ITSN2: variants seen among roughly 807,000 people sequenced by gnomAD.
ITSN2 encodes the protein intersectin 2.
In ITSN2, 156 loss-of-function variants were observed where a neutral mutation model predicts 243.7. The observed-to-expected ratio is 0.64, with a 90% CI of 0.56 to 0.73. The LOEUF (loss-of-function observed/expected upper bound fraction) is 0.73, where lower values mean the gene tolerates loss of function less well. Ranked by LOEUF, ITSN2 falls within the 30% of genes least tolerant of loss-of-function variation. The probability of loss-of-function intolerance (pLI) is 0.00; values close to 1 mark genes in which losing one functional copy is unlikely to be tolerated. For synonymous variants in ITSN2, 703 were observed against 699.9 expected (o/e 1.00, Z -0.07); for missense variants, 1,801 against 1,996.1 (o/e 0.90, Z 1.86).
intron 20 of ITSN2, among the ~76,000 whole-genome samples, chr2:24,263,859 T>C (rs1259003245): frequency 6.6e-6 from 1 of 152,232 alleles, no homozygotes; most frequent in African/African-American, 2.4e-5. Flanking sequence ...ATAAAGCTGC[T>C]ATGAACATTT....
At chr2:24,326,175 T>A (rs1685138829) in intron 2 of ITSN2, among the ~76,000 whole-genome samples, 1 of 152,328 alleles carries the variant, frequency 6.6e-6, no homozygotes, top group African/African-American at 2.4e-5. Context: ...ACATATGCAA[T>A]TAATTCTTCA....
intron 15 of ITSN2, 32 bp from the exon 16 acceptor site, chr2:24,286,383 T>C (rs370236844): frequency 7.5e-6 from 12 of 1,604,760 alleles, no homozygotes; most frequent in Non-Finnish European, 1.0e-5. Flanking sequence ...GTTTACATTT[T>C]GCAGAAGTTC....
At chr2:24,350,433 A>G (rs1377627323) in intron 1 of ITSN2, among the ~76,000 whole-genome samples, 1 of 152,184 alleles carries the variant, frequency 6.6e-6, no homozygotes, top group Non-Finnish European at 1.5e-5. Flanking sequence ...CAAAATGTTA[A>G]ACATAGGTTA....
Position 24,286,332 on chromosome 2 carries a change from A to G in ITSN2, c.1743T>C (p.Leu581=), listed in dbSNP as rs752749293. Residue 581 remains leucine (L), a synonymous_variant, in exon 16 of 40, where the codon CTT becomes CTC. Transcript: ENST00000355123. The part of the protein sequence containing the change: ...SNTPDSGVSL[L]HKKSLEKEEL... The stretch of plus-strand genomic sequence containing the variant: ...CTTCCTTTTCTAATGATTTTTTATG[A>G]AGTAAACTGACCCCTGAATCTGAAA... The G allele has an allele frequency of 5.7e-5, 92 of 1,611,678 alleles. No individual in the cohort carries two copies. Among genetic ancestry groups the G allele is most frequent in the Non-Finnish European group, 7.5e-5 (88 of 1,178,494 alleles).
chr2:24,291,691 T>C (rs1488456800), intron 15 of ITSN2, among the ~76,000 whole-genome samples: 11 of 152,146 alleles, frequency 7.2e-5, no homozygotes, highest in Admixed American at 7.2e-4. Flanking sequence ...CGTATCACCA[T>C]GTTGGCCAGG....
chr2:24,356,502 C>A (rs191539243), intron 1 of ITSN2, among the ~76,000 whole-genome samples: 10,388 of 117,984 alleles, frequency 0.088, 389 homozygotes, highest in Middle Eastern at 0.14. Context: ...AAAAAAAAAA[C>A]CCCACCAAAA....
chr2:24,282,351 C>T (rs1678892060), intron 17 of ITSN2, among the ~76,000 whole-genome samples: 1 of 152,194 alleles, frequency 6.6e-6, no homozygotes, highest in Non-Finnish European at 1.5e-5. Context: ...AATCAGGTTG[C>T]GGCCCGACTC....
intron 29 of ITSN2, among the ~76,000 whole-genome samples, chr2:24,245,420 G>A (rs750938214): frequency 7.9e-5 from 12 of 151,746 alleles, no homozygotes; most frequent in African/African-American, 9.7e-5. Context: ...GAAATGTAAT[G>A]GCTTCTGTAC....
At chr2:24,334,039 G>A (rs998350528) in intron 1 of ITSN2, among the ~76,000 whole-genome samples, 5 of 151,650 alleles carry the variant, frequency 3.3e-5, no homozygotes, top group African/African-American at 9.7e-5. Flanking sequence ...ACAAGCGCAC[G>A]CCACCACACC....
chr2:24,324,856 A>C (rs1684986982), intron 2 of ITSN2, among the ~76,000 whole-genome samples: 1 of 1,320 alleles, frequency 7.6e-4, no homozygotes, highest in African/African-American at 3.1e-3. Flanking sequence ...CCTGTCTCAA[A>C]AAAAAAAAAA....
intron 12 of ITSN2, among the ~76,000 whole-genome samples, chr2:24,299,021 G>A (rs1401412747): frequency 6.8e-6 from 1 of 148,012 alleles, no homozygotes; most frequent in South Asian, 2.1e-4. Flanking sequence ...ATTTCTTCAC[G>A]AGATCTTTTT....
chr2:24,346,026 T>G (rs1343785474), intron 1 of ITSN2, among the ~76,000 whole-genome samples: 1 of 152,196 alleles, frequency 6.6e-6, no homozygotes, highest in Non-Finnish European at 1.5e-5. Context: ...TCCAAATTGT[T>G]TGCGCTACCC....
rs1669312213 is a variant in ITSN2 at position 24,210,026 on chromosome 2, A to T, written c.4265T>A (p.Ile1422Asn). 6.2e-7 allele frequency: 1 copy of T among 1,612,800 alleles called. No individual in the cohort carries two copies. The highest frequency in any genetic ancestry group is 1.1e-5 in the South Asian group (1 of 91,014). ...VQCEGLAEQL[I>N]FNSLTNCLGP... ...CAGGCAGTTGGTGAGAGAGTTGAAAATAAGTTGCTTAAAGAGAAAGAAAAT... is the reference window on the plus strand; with the variant it reads ...CAGGCAGTTGGTGAGAGAGTTGAAATTAAGTTGCTTAAAGAGAAAGAAAAT... Residue 1422 changes from isoleucine (I) to asparagine (N), a missense_variant, in exon 35 of 40, where the codon ATT (isoleucine) becomes AAT (asparagine). Coordinates refer to ENST00000355123, the MANE Select transcript of ITSN2 (RefSeq NM_006277.3).
intron 22 of ITSN2, among the ~76,000 whole-genome samples, chr2:24,259,267 T>C (rs554252898): frequency 6.6e-6 from 1 of 152,352 alleles, no homozygotes; most frequent in East Asian, 1.9e-4. Context: ...ACTCTCCACA[T>C]TCAATGGATT....
intron 1 of ITSN2, among the ~76,000 whole-genome samples, chr2:24,328,474 T>A (rs988404998): frequency 9.2e-5 from 14 of 152,282 alleles, no homozygotes; most frequent in Middle Eastern, 3.4e-3. Context: ...ATACTTTTTT[T>A]TTTTTTTAAA....
intron 10 of ITSN2, 52 bp downstream of exon 10, chr2:24,301,912 TC>T (rs1681799358): frequency 1.3e-6 from 2 of 1,516,454 alleles, no homozygotes; most frequent in East Asian, 4.9e-5. Flanking sequence ...CTCTTCTAAA[TC>T]ACATCTGCCA....
chr2:24,231,835 G>A (rs1671630979), intron 29 of ITSN2, among the ~76,000 whole-genome samples: 2 of 152,302 alleles, frequency 1.3e-5, no homozygotes, highest in Non-Finnish European at 1.5e-5. Flanking sequence ...GGTGAACAAT[G>A]CTATTCTCTG....
intron 1 of ITSN2, among the ~76,000 whole-genome samples, chr2:24,334,329 G>A (rs1335071437): frequency 5.3e-5 from 8 of 152,146 alleles, no homozygotes; most frequent in Admixed American, 3.3e-4. Context: ...AAAGTGTTGC[G>A]ATTACAGGCA....
chr2:24,352,213 G>A (rs1178781590), intron 1 of ITSN2, among the ~76,000 whole-genome samples: 4 of 152,238 alleles, frequency 2.6e-5, no homozygotes, highest in East Asian at 1.9e-4. Context: ...TACTGTAATC[G>A]TACCTAAATG....
Sources: gnomAD v4.1 joint callset for allele counts (sites outside exome capture counted in the v4.1 genomes callset) on GRCh38, gnomAD v4.1.1 for gene constraint, MANE v1.5 for transcripts, NCBI Gene and HGNC (gene_info 2026-07-23, HGNC 2026-07-21) for gene names.